The following STOML2 variants were observed in gnomAD, a reference collection of about 807,000 sequenced individuals.
STOML2 encodes the protein stomatin like 2, also known as stomatin-like protein 2, mitochondrial.
Under a neutral mutation model 45.7 loss-of-function variants are expected in STOML2, and 22 were observed. The ratio of observed to expected loss-of-function variants is 0.48; its 90% CI spans 0.34 to 0.69. The LOEUF (loss-of-function observed/expected upper bound fraction) is 0.69. Ranked by LOEUF, STOML2 falls within the 30% of genes least tolerant of loss-of-function variation. The probability of loss-of-function intolerance (pLI) is 0.01; values close to 1 mark genes in which losing one functional copy is unlikely to be tolerated. For missense variants in STOML2, 359 were observed against 466.9 expected (o/e 0.77, Z 2.13); for synonymous variants, 181 against 182.7 (o/e 0.99, Z 0.08).
At position 35,101,749 on chromosome 9, in the gene STOML2, T is replaced by C; in HGVS notation, c.405A>G (p.Arg135=). ...AVTQLAQTTM[R]SELGKLSLDK... is the part of the protein sequence containing the mutation. ...CCAGAGAGAGTTTGCCGAGCTCTGATCTCATGGTTGTTTGAGCTAGCTGGG... is the reference window on the plus strand; with the variant it reads ...CCAGAGAGAGTTTGCCGAGCTCTGACCTCATGGTTGTTTGAGCTAGCTGGG... Residue 135 remains arginine (R), a synonymous_variant, in exon 5 of 10, where the codon AGA becomes AGG. Coordinates refer to ENST00000356493, the MANE Select transcript of STOML2 (RefSeq NM_013442.3). This position sits in a 1 kb window ranked among gnomAD's most constrained non-coding sequence, Gnocchi z 4.3. 6.2e-7 allele frequency: 1 copy of C among 1,614,132 alleles called. No individual in the cohort carries two copies. Among genetic ancestry groups the C allele is most frequent in the Non-Finnish European group, 8.5e-7 (1 of 1,180,012 alleles).
At position 35,103,104 on chromosome 9, in the gene STOML2, C is replaced by A. The variant is rs1195628360; in HGVS notation, c.-10G>T. The A allele has an allele frequency of 1.9e-6, 3 of 1,612,950 alleles. No homozygotes were observed. In the African/African-American group the frequency reaches 4.0e-5, roughly 22 times the overall value. ...CCGCGCGCGCCAGCATTTCCCACCGCCGCAGCGACCTCCGGAACCAACGAG... is the reference window on the plus strand; with the variant it reads ...CCGCGCGCGCCAGCATTTCCCACCGACGCAGCGACCTCCGGAACCAACGAG... On this transcript the variant is annotated 5_prime_UTR_variant, in exon 1 of 10. Coordinates refer to ENST00000356493, the MANE Select transcript of STOML2 (RefSeq NM_013442.3).
At position 35,102,417 on chromosome 9, in the gene STOML2, A is replaced by C. The variant is rs1053593890; in HGVS notation, c.184-223T>G. On this transcript the variant is annotated intron_variant, in intron 2 of 9. Coordinates refer to ENST00000356493, the MANE Select transcript of STOML2 (RefSeq NM_013442.3). The surrounding 1 kb of genome is among the most constrained non-coding windows in gnomAD (Gnocchi z 4.8). ...CTGAATGGAGGGGAGAGTCATGAGA[A>C]TCGGAGCCAGCAGAATAGCCATCTC... 4.6e-6 allele frequency: 3 copies of C among 656,120 alleles called. No individual in the cohort carries two copies. The highest frequency in any genetic ancestry group is 4.2e-4 in the Middle Eastern group (1 of 2,396). 40.6% of individuals were successfully genotyped at this position (656,120 alleles called of 1,614,324 possible). A position where few individuals can be genotyped will look rare whatever the true frequency, so the allele number is the denominator to read the frequency against.
At position 35,101,988 on chromosome 9, in the gene STOML2, GAA is replaced by G; in HGVS notation, c.284-28_284-27del. ...CTGTAGAACCAGGAGAGAAAACGGG[GAA>G]AGTCAGGCCTCTAGGTCCCAACCAG... On this transcript the variant is annotated intron_variant, in intron 3 of 9. Transcript: ENST00000356493. The surrounding 1 kb of genome is among the most constrained non-coding windows in gnomAD (Gnocchi z 4.3). 1 of 1,614,084 alleles carries G rather than the reference GAA, an allele frequency of 6.2e-7. No homozygotes were observed. The highest frequency in any genetic ancestry group is 8.5e-7 in the Non-Finnish European group (1 of 1,179,998).
chr9:35,100,204 G>A lies in STOML2; in HGVS notation c.934-32C>T, dbSNP rs1414615266. Reference sequence around the variant, plus strand: ...AGAGGAACAGAGAGAATACCATGAGGACACTTGACAGAGGTGCAGCCCAGC... The same window carrying A: ...AGAGGAACAGAGAGAATACCATGAGAACACTTGACAGAGGTGCAGCCCAGC... On this transcript the variant is annotated intron_variant, in intron 9 of 9. Transcript: ENST00000356493. The A allele has an allele frequency of 1.9e-6, 3 of 1,610,252 alleles. No individual in the cohort carries two copies. In the South Asian group the frequency reaches 3.3e-5, roughly 18 times the overall value.
In STOML2 at chr9:35,100,049, C is replaced by A. The variant is rs1829784720; in HGVS notation, c.1057G>T (p.Val353Phe). 5 of 1,614,112 alleles carry A rather than the reference C, an allele frequency of 3.1e-6. No homozygotes were observed. The South Asian group carries it at 5.5e-5, about 18-fold the overall frequency. ...DASLDEELDR[V>F]KMS ...GCCCAGCTCCACTAACTCATCTTGA[C>A]TCGATCAAGTTCCTCATCAAGACTT... Residue 353 changes from valine (V) to phenylalanine (F), a missense_variant, in exon 10 of 10, where the codon GTC (valine) becomes TTC (phenylalanine). Val to Phe is a conservative substitution (Grantham distance 50). Around this residue, in one of 2 missense-constraint regions of STOML2, gnomAD observed 285 missense variants for 422.0 expected, o/e 0.68. Coordinates refer to ENST00000356493, the MANE Select transcript of STOML2 (RefSeq NM_013442.3).
At position 35,100,677 on chromosome 9, in the gene STOML2, G is replaced by A. The variant is rs752235609; in HGVS notation, c.854C>T (p.Ala285Val). The A allele has an allele frequency of 2.5e-6, 4 of 1,614,134 alleles. No individual in the cohort carries two copies. The highest frequency in any genetic ancestry group is 1.1e-5 in the South Asian group (1 of 91,078). ...GGAGTCCTTGGCCAGTTTGGAGAAC[G>A]CGCTGACATACTGCTCGGCCACAGT... is the stretch of plus-strand genomic sequence containing the variant. ...SLTVAEQYVS[A>V]FSKLAKDSNT... Residue 285 changes from alanine (A) to valine (V), a missense_variant, in exon 9 of 10, where the codon GCG (alanine) becomes GTG (valine). Ala to Val is a moderately conservative substitution (Grantham distance 64). Transcript: ENST00000356493.
At position 35,100,627 on chromosome 9, in the gene STOML2, G is replaced by A. The variant is rs531481768; in HGVS notation, c.904C>T (p.Pro302Ser). 5 of 1,614,106 alleles carry A rather than the reference G, an allele frequency of 3.1e-6. No homozygotes were observed. The highest frequency in any genetic ancestry group is 1.3e-5 in the African/African-American group (1 of 75,030). Reference protein sequence around the residue: ...DSNTILLPSNPGDVTSMVAQA... With the variant: ...DSNTILLPSNSGDVTSMVAQA... Reference sequence around the variant, plus strand: ...GCCACCATGCTGGTGACATCGCCAGGGTTGGAGGGCAGTAGGATAGTGTTG... The same window carrying A: ...GCCACCATGCTGGTGACATCGCCAGAGTTGGAGGGCAGTAGGATAGTGTTG... Residue 302 changes from proline (P) to serine (S), a missense_variant, in exon 9 of 10, where the codon CCT becomes TCT. Around this residue, in one of 2 missense-constraint regions of STOML2, gnomAD observed 285 missense variants for 422.0 expected, o/e 0.68. Coordinates refer to ENST00000356493, the MANE Select transcript of STOML2 (RefSeq NM_013442.3).
rs750121773 is a variant in STOML2, at chr9:35,100,007, C to CTT, written c.*27_*28insAA. 2.3e-4 allele frequency: 368 copies of CTT among 1,603,816 alleles called. No individual in the cohort carries two copies. In the African/African-American group the frequency reaches 4.2e-3, roughly 19 times the overall value. On this transcript the variant is annotated 3_prime_UTR_variant, in exon 10 of 10. Transcript: ENST00000356493. ...ATCAGGAAAATCTGCTTCCTTGTTC[C>CTT]CAGACTCCCTGGCCAAGCCCAGCTC... is the stretch of plus-strand genomic sequence containing the variant.
chr9:35,100,839 G>A, intron 8 of STOML2, 93 bp downstream of exon 8: 1 of 1,611,250 alleles, frequency 6.2e-7, no homozygotes, highest in Non-Finnish European at 8.5e-7. Context: ...TGGCTCAACA[G>A]AGCCCACAGA....
chr9:35,101,113 T>C lies in STOML2; in HGVS notation c.724+22A>G. ...CAAAGGCCCATGCCTTGCTCCTCCC[T>C]CAGCCTCTACCCTCTCCTGACCTGC... On this transcript the variant is annotated intron_variant, in intron 7 of 9. Coordinates refer to ENST00000356493, the MANE Select transcript of STOML2 (RefSeq NM_013442.3). This position sits in a 1 kb window ranked among gnomAD's most constrained non-coding sequence, Gnocchi z 4.3. The C allele has an allele frequency of 3.1e-6, 5 of 1,614,120 alleles. No homozygotes were observed. The highest frequency in any genetic ancestry group is 4.2e-6 in the Non-Finnish European group (5 of 1,179,958).
In STOML2 at chr9:35,101,388, A is replaced by G. The variant is rs200078307; in HGVS notation, c.579+38T>C. The G allele has an allele frequency of 9.0e-6, 1 of 110,638 alleles. No individual in the cohort carries two copies. 6.9% of individuals were successfully genotyped at this position (110,638 alleles called of 1,614,324 possible). A position where few individuals can be genotyped will look rare whatever the true frequency, so the allele number is the denominator to read the frequency against. Reference sequence around the variant, plus strand: ...GTCTGGATCCTCCTGGTACTGGAGCACCCTGAGGCCCTTTTCCCACCCCTC... The same window carrying G: ...GTCTGGATCCTCCTGGTACTGGAGCGCCCTGAGGCCCTTTTCCCACCCCTC... On this transcript the variant is annotated intron_variant, in intron 6 of 9. Transcript: ENST00000356493. This position sits in a 1 kb window ranked among gnomAD's most constrained non-coding sequence, Gnocchi z 4.3.
chr9:35,103,129 G>C lies in STOML2; in HGVS notation c.-35C>G. 6.2e-7 allele frequency: 1 copy of C among 1,610,316 alleles called. No homozygotes were observed. Among genetic ancestry groups the C allele is most frequent in the South Asian group, 1.1e-5 (1 of 90,988 alleles). ...CCGCAGCGACCTCCGGAACCAACGA[G>C]ACGAGCGGAGCGGTCGCTCCCAGAA... On this transcript the variant is annotated 5_prime_UTR_variant, in exon 1 of 10. Transcript: ENST00000356493.
At position 35,102,400 on chromosome 9, in the gene STOML2, A is replaced by AG; in HGVS notation, c.184-207dup. 1.5e-6 allele frequency: 1 copy of AG among 648,402 alleles called. No homozygotes were observed. The highest frequency in any genetic ancestry group is 2.6e-6 in the Non-Finnish European group (1 of 380,604). 40.2% of individuals were successfully genotyped at this position (648,402 alleles called of 1,614,324 possible). ...AATGCAAGACTAGGCCCCTGAATGG[A>AG]GGGGAGAGTCATGAGAATCGGAGCC... On this transcript the variant is annotated intron_variant, in intron 2 of 9. Transcript: ENST00000356493. This position sits in a 1 kb window ranked among gnomAD's most constrained non-coding sequence, Gnocchi z 4.8.
intron 9 of STOML2, 76 bp downstream of exon 9, chr9:35,100,522 T>A: frequency 6.3e-7 from 1 of 1,593,664 alleles, no homozygotes; most frequent in Non-Finnish European, 8.6e-7. Flanking sequence ...GGTATGTAAG[T>A]GTTGATGACG....
rs1194769961 is a variant in STOML2, at chr9:35,102,217, C to T, written c.184-23G>A. ...ACCCTGGAAAGAGGAGTCATGGGTC[C>T]TCAGAAGGCTGGGAACTATTGGGTT... is the stretch of plus-strand genomic sequence containing the variant. On this transcript the variant is annotated intron_variant, in intron 2 of 9. Coordinates refer to ENST00000356493, the MANE Select transcript of STOML2 (RefSeq NM_013442.3). The surrounding 1 kb of genome is among the most constrained non-coding windows in gnomAD (Gnocchi z 4.8). 10 of 1,604,458 alleles carry T rather than the reference C, an allele frequency of 6.2e-6. No homozygotes were observed. The highest frequency in any genetic ancestry group is 8.5e-6 in the Non-Finnish European group (10 of 1,172,324).
chr9:35,102,449 G>T lies in STOML2; in HGVS notation c.183+237C>A. On this transcript the variant is annotated intron_variant, in intron 2 of 9. Transcript: ENST00000356493. This position sits in a 1 kb window ranked among gnomAD's most constrained non-coding sequence, Gnocchi z 4.8. ...CCAGCAGAATAGCCATCTCTATGCA[G>T]ACTGAGAGGTAGGGCTGAGAGTGGG... The T allele has an allele frequency of 1.4e-6, 1 of 691,022 alleles. No individual in the cohort carries two copies. Among genetic ancestry groups the T allele is most frequent in the Non-Finnish European group, 2.4e-6 (1 of 418,380 alleles). 42.8% of individuals were successfully genotyped at this position (691,022 alleles called of 1,614,324 possible).
At position 35,102,164 on chromosome 9, in the gene STOML2, G is replaced by C; in HGVS notation, c.214C>G (p.Arg72Gly). 1.2e-6 allele frequency: 2 copies of C among 1,613,906 alleles called. No individual in the cohort carries two copies. Among genetic ancestry groups the C allele is most frequent in the Non-Finnish European group, 1.7e-6 (2 of 1,179,984 alleles). The change falls in exon 3 of 10, where the codon CGG becomes GGG. Residue 72 changes from arginine (R) to glycine (G), a missense_variant. By Grantham distance (125) the Arg-to-Gly change is moderately radical. Around this residue, in one of 2 missense-constraint regions of STOML2, gnomAD observed 285 missense variants for 422.0 expected, o/e 0.68. Coordinates refer to ENST00000356493, the MANE Select transcript of STOML2 (RefSeq NM_013442.3). The surrounding 1 kb of genome is among the most constrained non-coding windows in gnomAD (Gnocchi z 4.8). ...TTGAGACTCTGCACATATCGGATCC[G>C]GTCTAACACAGGGATGAGGATGTTC... ...GLNILIPVLD[R>G]IRYVQSLKEI...
At position 35,102,313 on chromosome 9, in the gene STOML2, T is replaced by C. The variant is rs917306664; in HGVS notation, c.184-119A>G. 4.8e-6 allele frequency: 4 copies of C among 835,432 alleles called. No individual in the cohort carries two copies. The Admixed American group carries it at 8.3e-5, about 17-fold the overall frequency. The allele number at this position is 835,432 out of a possible 1,614,324, so 51.8% of individuals were successfully genotyped here. Reference sequence around the variant, plus strand: ...ACATGCCCAGAAAAGCAGCAGCTCCTACCAAGAAATAAGTCCTCAGAAGGC... The same window carrying C: ...ACATGCCCAGAAAAGCAGCAGCTCCCACCAAGAAATAAGTCCTCAGAAGGC... On this transcript the variant is annotated intron_variant, in intron 2 of 9. Coordinates refer to ENST00000356493, the MANE Select transcript of STOML2 (RefSeq NM_013442.3). The surrounding 1 kb of genome is among the most constrained non-coding windows in gnomAD (Gnocchi z 4.8).
rs751987030 is a variant in STOML2 at position 35,103,124 on chromosome 9, A to G, written c.-30T>C. 9.3e-6 allele frequency: 15 copies of G among 1,611,236 alleles called. No homozygotes were observed. In the Admixed American group the frequency reaches 2.5e-4, roughly 27 times the overall value. On this transcript the variant is annotated 5_prime_UTR_variant, in exon 1 of 10. Transcript: ENST00000356493. ...CACCGCCGCAGCGACCTCCGGAACCAACGAGACGAGCGGAGCGGTCGCTCC... is the reference window on the plus strand; with the variant it reads ...CACCGCCGCAGCGACCTCCGGAACCGACGAGACGAGCGGAGCGGTCGCTCC...
Sources: allele counts gnomAD v4.1 joint callset, GRCh38; gene constraint gnomAD v4.1.1; regional missense constraint gnomAD v4.1.1; non-coding constraint Gnocchi (gnomAD v3.1); transcripts MANE v1.5; gene names NCBI Gene and HGNC (gene_info 2026-07-23, HGNC 2026-07-21).